The following CXCR5 variants were observed in gnomAD, a reference collection of about 807,000 sequenced individuals.
The protein encoded by CXCR5 is C-X-C motif chemokine receptor 5.
In CXCR5, 3 loss-of-function variants were observed where a neutral mutation model predicts 5.6. The ratio of observed to expected loss-of-function variants is 0.54; its 90% CI spans 0.24 to 1.39. CXCR5 has a LOEUF of 1.39. CXCR5 is among the 40% of genes most tolerant of loss of function. The pLI is 0.16. For synonymous variants in CXCR5, 218 were observed against 219.9 expected (o/e 0.99, Z 0.08); for missense variants, 333 against 494.6 (o/e 0.67, Z 3.10).
intron 1 of CXCR5, chr11:118,886,261 G>A: frequency 2.3e-6 from 1 of 428,170 alleles, no homozygotes; most frequent in Non-Finnish European, 4.5e-6. Flanking sequence ...CCCATACCAG[G>A]TATTGGTTCA....
chr11:118,888,596 G>A (rs1254762068), intron 1 of CXCR5, among the ~76,000 whole-genome samples: 1 of 152,184 alleles, frequency 6.6e-6, no homozygotes, highest in Non-Finnish European at 1.5e-5. Flanking sequence ...GGCTGGCCAC[G>A]TCACTCCCGT....
intron 1 of CXCR5, among the ~76,000 whole-genome samples, chr11:118,885,625 C>T (rs1939699268): frequency 1.3e-5 from 2 of 152,212 alleles, no homozygotes. Context: ...CCCAGTTGGA[C>T]ATCTTAGTAA....
Position 118,897,674 on chromosome 11 carries a change from G to T in CXCR5, c.*3011G>T. On this transcript the variant is annotated 3_prime_UTR_variant, in exon 2 of 2. Transcript: ENST00000292174. ...CCCAGAGACACTGCAAACAGTGGGTGGCCATGTAGGGCTGCATGTCCCTGG... is the reference window on the plus strand; with the variant it reads ...CCCAGAGACACTGCAAACAGTGGGTTGCCATGTAGGGCTGCATGTCCCTGG... 1 of 410,438 alleles carries T rather than the reference G, an allele frequency of 2.4e-6. No homozygotes were observed. Among genetic ancestry groups the T allele is most frequent in the Non-Finnish European group, 4.8e-6 (1 of 208,578 alleles). The allele number at this position is 410,438 out of a possible 1,614,324, so 25.4% of individuals were successfully genotyped here.
rs1403989894 is a variant in CXCR5 at position 118,893,900 on chromosome 11, C to A, written c.356C>A (p.Thr119Asn). ...GGCTCTGTGGGCTGGGTCCTGGGGACCTTCCTCTGCAAAACTGTGATTGCC... is the reference window on the plus strand; with the variant it reads ...GGCTCTGTGGGCTGGGTCCTGGGGAACTTCCTCTGCAAAACTGTGATTGCC... ...AEGSVGWVLGTFLCKTVIALH... is the reference protein window; with the variant it reads ...AEGSVGWVLGNFLCKTVIALH... The change falls in exon 2 of 2, where the codon ACC becomes AAC. Residue 119 changes from threonine to asparagine, a missense_variant. Coordinates refer to ENST00000292174, the MANE Select transcript of CXCR5 (RefSeq NM_001716.5). The surrounding 1 kb of genome is among the most constrained non-coding windows in gnomAD (Gnocchi z 5.7). The A allele has an allele frequency of 3.7e-6, 6 of 1,613,960 alleles. No individual in the cohort carries two copies. Among genetic ancestry groups the A allele is most frequent in the Admixed American group, 1.7e-5 (1 of 59,994 alleles).
chr11:118,891,452 G>A lies in CXCR5; in HGVS notation c.52-2144G>A, dbSNP rs561140064. ...ATTCCCTGGCTCAAGTGATCCTCCC[G>A]CCTTGTCTTCCCAAAGTGCTGGGAT... On this transcript the variant is annotated intron_variant, in intron 1 of 1. Coordinates refer to ENST00000292174, the MANE Select transcript of CXCR5 (RefSeq NM_001716.5). 1.4e-4 allele frequency among the ~76,000 whole-genome samples: 21 copies of A among 152,064 alleles called. 1 individual carries two copies. The South Asian group carries it at 4.2e-3, about 30-fold the overall frequency.
rs1185335751 is a variant in CXCR5 at position 118,894,689 on chromosome 11, C to T, written c.*26C>T. ...GTCCCAGTGTCCCCTTTTATTGCTG[C>T]TTTTCCTTGGGGCAGGCAGTGATGC... is the stretch of plus-strand genomic sequence containing the variant. On this transcript the variant is annotated 3_prime_UTR_variant, in exon 2 of 2. Coordinates refer to ENST00000292174, the MANE Select transcript of CXCR5 (RefSeq NM_001716.5). This position sits in a 1 kb window ranked among gnomAD's most constrained non-coding sequence, Gnocchi z 6.1. The T allele has an allele frequency of 6.6e-7, 1 of 1,505,278 alleles. No individual in the cohort carries two copies. Among genetic ancestry groups the T allele is most frequent in the South Asian group, 1.4e-5 (1 of 71,986 alleles). The allele number at this position is 1,505,278 out of a possible 1,614,324, so 93.2% of individuals were successfully genotyped here. A position where few individuals can be genotyped will look rare whatever the true frequency, so the allele number is the denominator to read the frequency against.
In CXCR5 at chr11:118,894,305, G is replaced by T. The variant is rs1346203529; in HGVS notation, c.761G>T (p.Arg254Leu). Residue 254 changes from arginine (R) to leucine (L), a missense_variant, in exon 2 of 2, where the codon CGG (arginine) becomes CTG (leucine). Coordinates refer to ENST00000292174, the MANE Select transcript of CXCR5 (RefSeq NM_001716.5). This position sits in a 1 kb window ranked among gnomAD's most constrained non-coding sequence, Gnocchi z 6.1. ...RLRQAQRRPQ[R>L]QKAVRVAILV... ...CGCCAGGCCCAGCGGCGCCCTCAGC[G>T]GCAGAAGGCAGTCAGGGTGGCCATC... 2 of 1,614,124 alleles carry T rather than the reference G, an allele frequency of 1.2e-6. No individual in the cohort carries two copies. The highest frequency in any genetic ancestry group is 8.5e-7 in the Non-Finnish European group (1 of 1,180,034).
intron 1 of CXCR5, 61 bp downstream of exon 1, chr11:118,884,053 G>A: frequency 6.5e-7 from 1 of 1,540,818 alleles, no homozygotes; most frequent in South Asian, 1.2e-5. Flanking sequence ...AACATCCTTT[G>A]CCAGAGTCCG....
At chr11:118,891,203 A>G (rs553526336) in intron 1 of CXCR5, among the ~76,000 whole-genome samples, 112 of 152,250 alleles carry the variant, frequency 7.4e-4, no homozygotes, top group African/African-American at 2.6e-3. Flanking sequence ...GGGTCTCGCT[A>G]TGTCATGCAG....
At chr11:118,891,871 C>CCAAA (rs1939815813) in intron 1 of CXCR5, among the ~76,000 whole-genome samples, 1 of 34,614 alleles carries the variant, frequency 2.9e-5, no homozygotes, top group African/African-American at 8.7e-5. Flanking sequence ...AACTCCCCCT[C>CCAAA]AAAAAAAAAA....
intron 1 of CXCR5, among the ~76,000 whole-genome samples, chr11:118,890,100 A>C (rs1939785053): frequency 1.3e-5 from 2 of 152,202 alleles, no homozygotes; most frequent in Admixed American, 6.5e-5. Context: ...GGGTGTGCTC[A>C]GTGACGGTAT....
chr11:118,887,172 C>G, intron 1 of CXCR5: 1 of 912,050 alleles, frequency 1.1e-6, no homozygotes, highest in Non-Finnish European at 1.3e-6. Flanking sequence ...CCGTCAGGAA[C>G]TCTTGCTTTC....
rs150342861 is a variant in CXCR5, at chr11:118,890,596, G to A, written c.52-3000G>A. Among the ~76,000 whole-genome samples, 936 of 152,186 alleles carry A rather than the reference G, an allele frequency of 6.2e-3. 7 individuals are homozygous for A. Among genetic ancestry groups the A allele is most frequent in the Middle Eastern group, 0.044 (13 of 294 alleles). On this transcript the variant is annotated intron_variant, in intron 1 of 1. Coordinates refer to ENST00000292174, the MANE Select transcript of CXCR5 (RefSeq NM_001716.5). ...GACAGGAATGTGTTGGGGTGTTGGGGAAAGGCCGGGGGGTGGTCTAGAGCA... is the reference window on the plus strand; with the variant it reads ...GACAGGAATGTGTTGGGGTGTTGGGAAAAGGCCGGGGGGTGGTCTAGAGCA...
chr11:118,890,056 C>T (rs899925187), intron 1 of CXCR5, among the ~76,000 whole-genome samples: 3 of 152,240 alleles, frequency 2.0e-5, no homozygotes, highest in Non-Finnish European at 2.9e-5. Context: ...CTTGGCTCTG[C>T]GTGAAGACTG....
At chr11:118,884,474 G>T (rs1251595060) in intron 1 of CXCR5, among the ~76,000 whole-genome samples, 1 of 152,200 alleles carries the variant, frequency 6.6e-6, no homozygotes. Context: ...TGGAGAAGTT[G>T]AGGACCTGGT....
Position 118,883,953 on chromosome 11 carries a change from G to C in CXCR5, c.12G>C (p.Pro4=), listed in dbSNP as rs552138226. 1 of 1,612,316 alleles carries C rather than the reference G, an allele frequency of 6.2e-7. No individual in the cohort carries two copies. Among genetic ancestry groups the C allele is most frequent in the South Asian group, 1.1e-5 (1 of 90,696 alleles). MNY[P]LTLEMDLENL... ...CAGCCGGCACAGCCATGAACTACCC[G>C]CTAACGCTGGAAATGGACCTCGAGA... The change falls in exon 1 of 2, where the codon CCG becomes CCC. Residue 4 remains proline, a synonymous_variant. Transcript: ENST00000292174.
intron 1 of CXCR5, among the ~76,000 whole-genome samples, chr11:118,889,030 A>G (rs1329194021): frequency 6.6e-6 from 1 of 152,210 alleles, no homozygotes; most frequent in African/African-American, 2.4e-5. Context: ...CCTGCATCCT[A>G]CAGTGGAGGG....
At chr11:118,888,859 C>T (rs1939763152) in intron 1 of CXCR5, among the ~76,000 whole-genome samples, 1 of 152,152 alleles carries the variant, frequency 6.6e-6, no homozygotes, top group Admixed American at 6.5e-5. Context: ...GGATAGATCC[C>T]TGAGGCATGC....
intron 1 of CXCR5, among the ~76,000 whole-genome samples, chr11:118,892,466 A>G (rs1469283807): frequency 7.0e-6 from 1 of 142,022 alleles, no homozygotes; most frequent in East Asian, 2.4e-4. Flanking sequence ...CATTTATAGT[A>G]TTGCCATTTT....
Sources: gnomAD v4.1 joint callset for allele counts (sites outside exome capture counted in the v4.1 genomes callset) on GRCh38, gnomAD v4.1.1 for gene constraint, Gnocchi (gnomAD v3.1) non-coding constraint, MANE v1.5 for transcripts, NCBI Gene and HGNC (gene_info 2026-07-23, HGNC 2026-07-21) for gene names.